Variants in SLC24A2 observed in about 807,000 individuals in gnomAD.
SLC24A2 encodes solute carrier family 24 member 2.
A neutral mutation model predicts 62.0 loss-of-function variants in SLC24A2; 36 were observed. The observed-to-expected ratio is 0.58, with a 90% confidence interval of 0.44 to 0.77. The LOEUF is 0.77. Ranked by LOEUF, SLC24A2 falls within the 30% of genes least tolerant of loss-of-function variation. The probability of loss-of-function intolerance (pLI) is 0.00; values close to 1 mark genes in which losing one functional copy is unlikely to be tolerated. For missense variants in SLC24A2, 846 were observed against 817.9 expected (o/e 1.03, Z -0.42); for synonymous variants, 358 against 294.0 (o/e 1.22, Z -2.23).
intron 2 of SLC24A2, among the ~76,000 whole-genome samples, chr9:19,727,708 A>C (rs1821212110): frequency 6.6e-6 from 1 of 152,194 alleles, no homozygotes; most frequent in Non-Finnish European, 1.5e-5. Flanking sequence ...AACTTTTTAA[A>C]ATTAATTTAT....
the SLC24A2 span, among the ~76,000 whole-genome samples, chr9:20,253,187 T>C: frequency 6.8e-3 from 1,028 of 152,294 alleles, 6 homozygotes; most frequent in African/African-American, 0.024. Flanking sequence ...GAAAATATTA[T>C]GATGCAGTAG....
intron 2 of SLC24A2, among the ~76,000 whole-genome samples, chr9:19,629,224 G>C (rs1288871483): frequency 2.0e-5 from 3 of 152,174 alleles, no homozygotes; most frequent in Non-Finnish European, 2.9e-5. Context: ...GCCTTCCTAA[G>C]TGCTGGGGAA....
chr9:19,831,686 A>T, the SLC24A2 span, among the ~76,000 whole-genome samples: 1 of 152,206 alleles, frequency 6.6e-6, no homozygotes, highest in Non-Finnish European at 1.5e-5. Flanking sequence ...TGATTCAGAG[A>T]CAAAGAATAC....
intron 2 of SLC24A2, among the ~76,000 whole-genome samples, chr9:19,622,659 C>T (rs559201127): frequency 6.6e-6 from 1 of 151,884 alleles, no homozygotes; most frequent in Admixed American, 6.6e-5. Flanking sequence ...CTATTGATAA[C>T]TGAAAAAATT....
the SLC24A2 span, among the ~76,000 whole-genome samples, chr9:20,005,754 C>T: frequency 6.6e-6 from 1 of 151,292 alleles, no homozygotes; most frequent in Non-Finnish European, 1.5e-5. Context: ...TGAAATTATG[C>T]TGAAGCCAAA....
chr9:19,528,000 C>A (rs1410649815), intron 9 of SLC24A2, 49 bp downstream of exon 9: 2 of 1,136,992 alleles, frequency 1.8e-6, no homozygotes, highest in Middle Eastern at 1.9e-4. Context: ...ACTTGACAAT[C>A]AGGACTGGAG....
the SLC24A2 span, among the ~76,000 whole-genome samples, chr9:19,895,542 CTTTCT>C: frequency 1.0e-5 from 1 of 100,488 alleles, no homozygotes; most frequent in Non-Finnish European, 2.6e-5. Context: ...TTCTTTCTTT[CTTTCT>C]TTTTTTTTTT....
At chr9:19,839,601 G>A in the SLC24A2 span, among the ~76,000 whole-genome samples, 5 of 152,048 alleles carry the variant, frequency 3.3e-5, no homozygotes, top group Admixed American at 3.3e-4. Flanking sequence ...ATCGTTTGAA[G>A]TAAAGGTCAA....
the SLC24A2 span, among the ~76,000 whole-genome samples, chr9:20,280,359 C>T: frequency 6.6e-6 from 1 of 152,126 alleles, no homozygotes; most frequent in Non-Finnish European, 1.5e-5. Flanking sequence ...GGGTATATAA[C>T]CTCTAGATTG....
upstream of SLC24A2, among the ~76,000 whole-genome samples, chr9:19,790,981 G>A (rs1823313591): frequency 6.6e-6 from 1 of 152,150 alleles, no homozygotes; most frequent in East Asian, 1.9e-4. Flanking sequence ...TCCAGATGAA[G>A]ACCTCATGAG....
the SLC24A2 span, among the ~76,000 whole-genome samples, chr9:19,863,817 G>A: frequency 4.0e-5 from 6 of 151,258 alleles, no homozygotes; most frequent in African/African-American, 1.5e-4. Context: ...CCCAAAATTA[G>A]TAGAATAAAA....
At chr9:20,125,367 G>T in the SLC24A2 span, among the ~76,000 whole-genome samples, 1 of 152,178 alleles carries the variant, frequency 6.6e-6, no homozygotes. Context: ...TGCAAAACTA[G>T]AATTTGAACC....
the SLC24A2 span, among the ~76,000 whole-genome samples, chr9:19,964,310 G>A: frequency 6.6e-6 from 1 of 151,718 alleles, no homozygotes; most frequent in Non-Finnish European, 1.5e-5. Context: ...CATGGCACAT[G>A]TATACATATG....
chr9:19,554,900 G>A (rs927644798), intron 7 of SLC24A2, among the ~76,000 whole-genome samples: 16 of 152,148 alleles, frequency 1.1e-4, no homozygotes, highest in Admixed American at 3.3e-4. Context: ...CAATGCTTCC[G>A]GGATAAAGGC....
At chr9:19,914,720 G>A in the SLC24A2 span, among the ~76,000 whole-genome samples, 3 of 151,928 alleles carry the variant, frequency 2.0e-5, no homozygotes, top group Non-Finnish European at 2.9e-5. Flanking sequence ...AAGTTATCTC[G>A]TTTGAACCAT....
the SLC24A2 span, among the ~76,000 whole-genome samples, chr9:20,291,519 T>C: frequency 1.3e-5 from 2 of 152,130 alleles, no homozygotes; most frequent in Non-Finnish European, 2.9e-5. Flanking sequence ...AGAAGGATGC[T>C]ATGGCAGACA....
the SLC24A2 span, among the ~76,000 whole-genome samples, chr9:19,872,217 A>G: frequency 6.6e-6 from 1 of 152,176 alleles, no homozygotes; most frequent in East Asian, 1.9e-4. Context: ...TTGTTTAGAG[A>G]TTCAGGCAGT....
chr9:19,889,672 A>G, the SLC24A2 span, among the ~76,000 whole-genome samples: 1 of 151,960 alleles, frequency 6.6e-6, no homozygotes, highest in African/African-American at 2.4e-5. Context: ...ATCTCTACCA[A>G]CTTGCCACTC....
intron 2 of SLC24A2, among the ~76,000 whole-genome samples, chr9:19,638,412 C>T (rs989885529): frequency 6.6e-6 from 1 of 152,136 alleles, no homozygotes; most frequent in Non-Finnish European, 1.5e-5. Flanking sequence ...ATGATTATAA[C>T]ACTTTCTTTT....
Sources: allele counts gnomAD v4.1 joint callset (sites outside exome capture counted in the v4.1 genomes callset), GRCh38; gene constraint gnomAD v4.1.1; transcripts MANE v1.5; gene names NCBI Gene and HGNC (gene_info 2026-07-23, HGNC 2026-07-21).